KRT39: variants seen among roughly 807,000 people sequenced by gnomAD.
The protein encoded by KRT39 is keratin, type I cytoskeletal 39.
KRT39 carries 47 observed loss-of-function variants against 54.8 expected under a neutral mutation model. The ratio of observed to expected loss-of-function variants is 0.86; its 90% CI spans 0.68 to 1.09. The LOEUF (loss-of-function observed/expected upper bound fraction) is 1.09. Ranked by LOEUF, KRT39 falls within the 50% of genes least tolerant of loss-of-function variation. The pLI is 0.00. For synonymous variants in KRT39, 207 were observed against 227.9 expected (o/e 0.91, Z 0.83); for missense variants, 580 against 598.5 (o/e 0.97, Z 0.32).
chr17:40,962,224 T>A lies in KRT39; in HGVS notation c.934A>T (p.Ile312Phe). ...SQQQQCCQKE[I>F]IELRRSVNTL... ...TTCACACTGCGTCTCAGTTCTATGA[T>A]CTCCTTTTGGCAGCATTGCTGCTGT... The change falls in exon 5 of 7, where the codon ATC (isoleucine) becomes TTC (phenylalanine). Residue 312 changes from isoleucine (I) to phenylalanine (F), a missense_variant. Transcript: ENST00000355612. 6.2e-7 allele frequency: 1 copy of A among 1,614,204 alleles called. No homozygotes were observed. Among genetic ancestry groups the A allele is most frequent in the Non-Finnish European group, 8.5e-7 (1 of 1,180,044 alleles).
rs1461035062 is a variant in KRT39, at chr17:40,959,449, CTG to C, written c.1218-592_1218-591del. Among the ~76,000 whole-genome samples, 3 of 152,170 alleles carry C rather than the reference CTG, an allele frequency of 2.0e-5. No homozygotes were observed. In the East Asian group the frequency reaches 5.8e-4, roughly 29 times the overall value. ...CTGTCTATGCATAGTTTTTAGAGAACTGAAGTAAAAAGCAGTTCATAGTAAAC... is the reference window on the plus strand; with the variant it reads ...CTGTCTATGCATAGTTTTTAGAGAACAAGTAAAAAGCAGTTCATAGTAAAC... On this transcript the variant is annotated intron_variant, in intron 6 of 6. Coordinates refer to ENST00000355612, the MANE Select transcript of KRT39 (RefSeq NM_213656.4).
At position 40,964,918 on chromosome 17, in the gene KRT39, C is replaced by T. The variant is rs181752703; in HGVS notation, c.469-390G>A. Reference sequence around the variant, plus strand: ...TCTACTAAAAAATACAAAAATTGGCCGGGCGCAGTGGCTCACGCCTGTAAT... The same window carrying T: ...TCTACTAAAAAATACAAAAATTGGCTGGGCGCAGTGGCTCACGCCTGTAAT... On this transcript the variant is annotated intron_variant, in intron 1 of 6. Coordinates refer to ENST00000355612, the MANE Select transcript of KRT39 (RefSeq NM_213656.4). Among the ~76,000 whole-genome samples, 37 of 150,348 alleles carry T rather than the reference C, an allele frequency of 2.5e-4. No individual in the cohort carries two copies. The East Asian group carries it at 3.1e-3, about 13-fold the overall frequency.
exon 1 of KRT39, chr17:40,966,943 GCTCTTGGTGTTTTC>G: frequency 1.1e-6 from 1 of 939,154 alleles, no homozygotes; most frequent in South Asian, 1.5e-5. Flanking sequence ...GAATTCCAAG[GCTCTTGGTGTTTTC>G]CTCTTTGAAG....
chr17:40,966,660 C>G lies in KRT39; in HGVS notation c.197G>C (p.Cys66Ser), dbSNP rs754173609. ...DQGCQPTPRF[C>S]RKPIYLMNNF... ...GTTCATTAGGTAGATGGGCTTGCGA[C>G]AAAAGCGAGGAGTGGGTTGGCAGCC... Residue 66 changes from cysteine to serine, a missense_variant, in exon 1 of 7, where the codon TGT (cysteine) becomes TCT (serine). By Grantham distance (112) the Cys-to-Ser change is moderately radical. Transcript: ENST00000355612. 31 of 1,614,048 alleles carry G rather than the reference C, an allele frequency of 1.9e-5. No homozygotes were observed. In the East Asian group the frequency reaches 5.3e-4, roughly 28 times the overall value.
At chr17:40,963,448 G>A (rs550916458) in intron 3 of KRT39, among the ~76,000 whole-genome samples, 179 bp downstream of exon 3, 1 of 152,290 alleles carries the variant, frequency 6.6e-6, no homozygotes, top group South Asian at 2.1e-4. Context: ...CAGCCATGTG[G>A]AACTGTGACT....
chr17:40,958,587 A>G lies in KRT39; in HGVS notation c.*14T>C. The G allele has an allele frequency of 6.3e-7, 1 of 1,581,308 alleles. No homozygotes were observed. The highest frequency in any genetic ancestry group is 8.6e-7 in the Non-Finnish European group (1 of 1,163,928). ...TGTTTCATAAATGTGGGTCATTTTC[A>G]TCACCTTGGGATGTTAGACTTTGGC... On this transcript the variant is annotated 3_prime_UTR_variant, in exon 7 of 7. Coordinates refer to ENST00000355612, the MANE Select transcript of KRT39 (RefSeq NM_213656.4).
intron 5 of KRT39, among the ~76,000 whole-genome samples, chr17:40,961,053 C>T (rs1221978455): frequency 1.3e-5 from 2 of 151,868 alleles, no homozygotes; most frequent in Non-Finnish European, 2.9e-5. Flanking sequence ...TTGCTTGAAC[C>T]CGGGAGGTGG....
intron 6 of KRT39, 43 bp from the exon 7 acceptor site, chr17:40,958,902 C>A (rs145065066): frequency 6.6e-6 from 10 of 1,520,534 alleles, no homozygotes; most frequent in African/African-American, 1.4e-5. Context: ...TGAGGGAAGG[C>A]GATGATGGTC....
At position 40,960,390 on chromosome 17, in the gene KRT39, A is replaced by G. The variant is rs750194457; in HGVS notation, c.1108T>C (p.Cys370Arg). 1.7e-5 allele frequency: 28 copies of G among 1,613,834 alleles called. No individual in the cohort carries two copies. The highest frequency in any genetic ancestry group is 2.3e-5 in the Non-Finnish European group (27 of 1,179,994). ...NLEAQLAEIR[C>R]ALERQNQEYE... is the part of the protein sequence containing the mutation. ...TCTTGGTTCTGTCTTTCCAGGGCAC[A>G]CCGGATCTCTGCCAGCTGAGCTTCC... Residue 370 changes from cysteine (C) to arginine (R), a missense_variant, in exon 6 of 7, where the codon TGT (cysteine) becomes CGT (arginine). Transcript: ENST00000355612.
At position 40,958,755 on chromosome 17, in the gene KRT39, G is replaced by A; in HGVS notation, c.1322C>T (p.Pro441Leu). 6.2e-7 allele frequency: 1 copy of A among 1,614,096 alleles called. No homozygotes were observed. The highest frequency in any genetic ancestry group is 1.1e-5 in the South Asian group (1 of 91,072). ...ACTGCAGTGCTCCTTTAAGCTGCAG[G>A]GGGATGAGGATGTGCAAGCTGGGGC... ...STAPACTSSS[P>L]CSLKEHCSAC... is the part of the protein sequence containing the mutation. Residue 441 changes from proline to leucine, a missense_variant, in exon 7 of 7, where the codon CCC (proline) becomes CTC (leucine). By Grantham distance (98) the Pro-to-Leu change is moderately conservative (BLOSUM62 -3). Coordinates refer to ENST00000355612, the MANE Select transcript of KRT39 (RefSeq NM_213656.4).
chr17:40,964,102 G>T (rs1178810556), intron 2 of KRT39: 2 of 418,652 alleles, frequency 4.8e-6, no homozygotes, highest in East Asian at 3.5e-5. Context: ...CCAAGTTTCG[G>T]TTTTGACTTG....
chr17:40,961,980 C>T (rs559684702), intron 5 of KRT39, among the ~76,000 whole-genome samples, 182 bp downstream of exon 5: 24 of 152,170 alleles, frequency 1.6e-4, no homozygotes, highest in Non-Finnish European at 2.9e-4. Flanking sequence ...CCCTGTTTAA[C>T]CTTGGTTTAG....
In KRT39 at chr17:40,958,629, C is replaced by T. The variant is rs1910997388; in HGVS notation, c.1448G>A (p.Cys483Tyr). The change falls in exon 7 of 7, where the codon TGT becomes TAT. Residue 483 changes from cysteine (C) to tyrosine (Y), a missense_variant. By Grantham distance (194) the Cys-to-Tyr change is radical. Coordinates refer to ENST00000355612, the MANE Select transcript of KRT39 (RefSeq NM_213656.4). ...VISSYEHVQP[C>Y]FIIRPAKV ...GACTTTGGCAGGTCTGATGATGAAACAAGGCTGCACATGCTCGTAAGAAGA... is the reference window on the plus strand; with the variant it reads ...GACTTTGGCAGGTCTGATGATGAAATAAGGCTGCACATGCTCGTAAGAAGA... The T allele has an allele frequency of 6.2e-7, 1 of 1,611,584 alleles. No homozygotes were observed. Among genetic ancestry groups the T allele is most frequent in the Non-Finnish European group, 8.5e-7 (1 of 1,178,810 alleles).
Position 40,958,764 on chromosome 17 carries a change from G to A in KRT39, c.1313C>T (p.Ser438Phe), listed in dbSNP as rs1474460267. Residue 438 changes from serine to phenylalanine, a missense_variant, in exon 7 of 7, where the codon TCC becomes TTC. By Grantham distance (155) the Ser-to-Phe change is radical (BLOSUM62 -2). Coordinates refer to ENST00000355612, the MANE Select transcript of KRT39 (RefSeq NM_213656.4). ...AIESTAPACT[S>F]SSPCSLKEHC... ...CTCCTTTAAGCTGCAGGGGGATGAG[G>A]ATGTGCAAGCTGGGGCCGTGCTTTC... The A allele has an allele frequency of 6.2e-7, 1 of 1,614,012 alleles. No homozygotes were observed. Among genetic ancestry groups the A allele is most frequent in the East Asian group, 2.2e-5 (1 of 44,856 alleles).
chr17:40,958,781 C>G lies in KRT39; in HGVS notation c.1296G>C (p.Thr432=). The part of the protein sequence containing the change: ...TSCKSGAIES[T]APACTSSSPC... ...GGGATGAGGATGTGCAAGCTGGGGC[C>G]GTGCTTTCTATGGCTCCGGACTTAC... Residue 432 remains threonine (T), a synonymous_variant, in exon 7 of 7, where the codon ACG becomes ACC. Transcript: ENST00000355612. The G allele has an allele frequency of 1.9e-6, 3 of 1,613,854 alleles. No homozygotes were observed. The highest frequency in any genetic ancestry group is 2.5e-6 in the Non-Finnish European group (3 of 1,179,928).
rs1331731650 is a variant in KRT39 at position 40,958,637 on chromosome 17, C to T, written c.1440G>A (p.Val480=). Residue 480 remains valine, a synonymous_variant, in exon 7 of 7, where the codon GTG becomes GTA. Transcript: ENST00000355612. The stretch of plus-strand genomic sequence containing the variant: ...CAGGTCTGATGATGAAACAAGGCTG[C>T]ACATGCTCGTAAGAAGAAATGACCT... ...DGKVISSYEH[V]QPCFIIRPAK... is the part of the protein sequence containing the mutation. 6.2e-7 allele frequency: 1 copy of T among 1,613,110 alleles called. No individual in the cohort carries two copies. Among genetic ancestry groups the T allele is most frequent in the East Asian group, 2.2e-5 (1 of 44,872 alleles).
chr17:40,963,566 A>G (rs2143620607), intron 3 of KRT39, 61 bp downstream of exon 3: 1 of 1,496,642 alleles, frequency 6.7e-7, no homozygotes, highest in Non-Finnish European at 9.1e-7. Flanking sequence ...GTGCAACTCA[A>G]AGGAACTGAT....
Position 40,960,400 on chromosome 17 carries a change from T to C in KRT39, c.1098A>G (p.Ala366=), listed in dbSNP as rs768721997. 15 of 1,614,176 alleles carry C rather than the reference T, an allele frequency of 9.3e-6. No homozygotes were observed. Among genetic ancestry groups the C allele is most frequent in the Non-Finnish European group, 1.2e-5 (14 of 1,180,018 alleles). Reference sequence around the variant, plus strand: ...GTCTTTCCAGGGCACACCGGATCTCTGCCAGCTGAGCTTCCAGGTTATCAA... The same window carrying C: ...GTCTTTCCAGGGCACACCGGATCTCCGCCAGCTGAGCTTCCAGGTTATCAA... ...SLIDNLEAQL[A]EIRCALERQN... The change falls in exon 6 of 7, where the codon GCA becomes GCG. Residue 366 remains alanine (A), a synonymous_variant. Transcript: ENST00000355612.
intron 2 of KRT39, chr17:40,964,143 CTT>C (rs1382797482): frequency 2.2e-6 from 1 of 448,792 alleles, no homozygotes; most frequent in Non-Finnish European, 3.9e-6. Context: ...GGGTGAGTAA[CTT>C]AGCCTCACTA....
Sources: gnomAD v4.1 joint callset for allele counts (sites outside exome capture counted in the v4.1 genomes callset) on GRCh38, gnomAD v4.1.1 for gene constraint, MANE v1.5 for transcripts, NCBI Gene and HGNC (gene_info 2026-07-23, HGNC 2026-07-21) for gene names.